KIAA1328: variants seen among roughly 807,000 people sequenced by gnomAD.
KIAA1328 encodes KIAA1328, also known as protein hinderin.
Under a neutral mutation model 68.1 loss-of-function variants are expected in KIAA1328, and 52 were observed. The observed-to-expected ratio is 0.76, with a 90% confidence interval of 0.61 to 0.96. KIAA1328 has a LOEUF of 0.96. KIAA1328 is among the 40% of genes least tolerant of loss of function. The probability of loss-of-function intolerance (pLI) is 0.00; values close to 1 mark genes in which losing one functional copy is unlikely to be tolerated. For synonymous variants in KIAA1328, 232 were observed against 239.4 expected (o/e 0.97, Z 0.28); for missense variants, 641 against 677.6 (o/e 0.95, Z 0.60).
intron 9 of KIAA1328, among the ~76,000 whole-genome samples, chr18:37,198,493 A>T (rs1418130785): frequency 6.6e-6 from 1 of 152,090 alleles, no homozygotes; most frequent in Non-Finnish European, 1.5e-5. Flanking sequence ...GTTTTATTGG[A>T]GTGGTAGAAG....
intron 6 of KIAA1328, among the ~76,000 whole-genome samples, chr18:36,975,298 T>C (rs1466748119): frequency 6.7e-6 from 1 of 149,716 alleles, no homozygotes; most frequent in African/African-American, 2.5e-5. Flanking sequence ...TTCTCCTGCC[T>C]CAGCCTCCCA....
At chr18:36,979,643 G>C (rs2052605300) in intron 6 of KIAA1328, among the ~76,000 whole-genome samples, 1 of 152,150 alleles carries the variant, frequency 6.6e-6, no homozygotes, top group Non-Finnish European at 1.5e-5. Context: ...CCCAAGTGAG[G>C]ATTCCCACTA....
intron 7 of KIAA1328, among the ~76,000 whole-genome samples, chr18:37,085,476 A>G (rs1173128421): frequency 1.3e-5 from 2 of 152,160 alleles, no homozygotes; most frequent in Admixed American, 6.5e-5. Context: ...GCTCTTAAAA[A>G]GGTATTTTTT....
intron 6 of KIAA1328, among the ~76,000 whole-genome samples, chr18:37,059,936 G>A (rs2056079662): frequency 6.6e-6 from 1 of 151,812 alleles, no homozygotes; most frequent in South Asian, 2.1e-4. Flanking sequence ...AACTAACACA[G>A]GAACAGAAAA....
At chr18:36,936,762 C>A (rs1027259366) in intron 5 of KIAA1328, among the ~76,000 whole-genome samples, 2 of 152,174 alleles carry the variant, frequency 1.3e-5, no homozygotes, top group African/African-American at 2.4e-5. Flanking sequence ...TTCTCCACAG[C>A]CTTGCCAACA....
At chr18:37,107,086 A>G (rs1421855346) in intron 7 of KIAA1328, among the ~76,000 whole-genome samples, 2 of 152,186 alleles carry the variant, frequency 1.3e-5, no homozygotes, top group Non-Finnish European at 2.9e-5. Context: ...TCTACTAAAA[A>G]TACAAAAATA....
chr18:36,956,334 C>T (rs571613757), intron 5 of KIAA1328, among the ~76,000 whole-genome samples: 1 of 152,338 alleles, frequency 6.6e-6, no homozygotes, highest in Admixed American at 6.5e-5. Context: ...AAATTTGTGT[C>T]ATGGTTTGGT....
chr18:37,147,693 C>T (rs2058933185), intron 7 of KIAA1328, among the ~76,000 whole-genome samples: 1 of 152,092 alleles, frequency 6.6e-6, no homozygotes, highest in Non-Finnish European at 1.5e-5. Flanking sequence ...GCCTTCTTCT[C>T]GTATGTGGGC....
At chr18:37,143,385 A>G (rs753682630) in intron 7 of KIAA1328, among the ~76,000 whole-genome samples, 5 of 152,182 alleles carry the variant, frequency 3.3e-5, no homozygotes, top group Admixed American at 6.5e-5. Flanking sequence ...ATATATTGCA[A>G]TTTGTTAAAT....
At chr18:37,091,767 G>A (rs775365470) in intron 7 of KIAA1328, among the ~76,000 whole-genome samples, 3 of 152,140 alleles carry the variant, frequency 2.0e-5, no homozygotes, top group Non-Finnish European at 4.4e-5. Context: ...ACCCAGTAGT[G>A]AAGCCAGATA....
intron 9 of KIAA1328, among the ~76,000 whole-genome samples, chr18:37,211,598 G>A (rs909571341): frequency 6.6e-6 from 1 of 152,172 alleles, no homozygotes; most frequent in African/African-American, 2.4e-5. Context: ...AAGTGTACAG[G>A]ATGAGCATGA....
intron 4 of KIAA1328, among the ~76,000 whole-genome samples, chr18:36,876,417 C>T (rs999869564): frequency 2.0e-5 from 3 of 152,066 alleles, no homozygotes; most frequent in Non-Finnish European, 2.9e-5. Context: ...GTGTATGTGT[C>T]TAGGAATTTA....
At chr18:36,915,173 G>A (rs750475500) in intron 5 of KIAA1328, among the ~76,000 whole-genome samples, 10 of 152,276 alleles carry the variant, frequency 6.6e-5, no homozygotes, top group Non-Finnish European at 1.5e-4. Context: ...TACAGTACTG[G>A]TGAAAGGACA....
rs371909974 is a variant in KIAA1328, at chr18:37,225,165, G to A, written c.*2938G>A. On this transcript the variant is annotated 3_prime_UTR_variant, in exon 10 of 10. Coordinates refer to ENST00000280020, the MANE Select transcript of KIAA1328 (RefSeq NM_020776.3). ...GCCAGAGAATCAGGGGAGAGGAGAG[G>A]CCTGATGGGGCAGAGCTGGACGAAG... 2.0e-6 allele frequency: 2 copies of A among 985,468 alleles called. No homozygotes were observed. Among genetic ancestry groups the A allele is most frequent in the South Asian group, 4.7e-5 (1 of 21,288 alleles). 61.0% of individuals were successfully genotyped at this position (985,468 alleles called of 1,614,324 possible).
At chr18:36,899,062 T>C (rs1242241272) in intron 5 of KIAA1328, among the ~76,000 whole-genome samples, 2 of 152,026 alleles carry the variant, frequency 1.3e-5, no homozygotes, top group African/African-American at 4.8e-5. Context: ...CATCTTGTTC[T>C]GTATCTCAGG....
chr18:36,980,474 G>A (rs2052640060), intron 6 of KIAA1328, among the ~76,000 whole-genome samples: 1 of 152,210 alleles, frequency 6.6e-6, no homozygotes, highest in Admixed American at 6.5e-5. Context: ...CCAGTTTACT[G>A]GTTGAGCAAT....
At chr18:36,980,725 C>T (rs374826511) in intron 6 of KIAA1328, among the ~76,000 whole-genome samples, 3 of 152,088 alleles carry the variant, frequency 2.0e-5, no homozygotes, top group Non-Finnish European at 4.4e-5. Context: ...GGGAGGTACC[C>T]GGTGGGAGAT....
chr18:36,863,675 G>C (rs1008523088), intron 4 of KIAA1328, among the ~76,000 whole-genome samples: 2 of 152,028 alleles, frequency 1.3e-5, no homozygotes, highest in East Asian at 1.9e-4. Context: ...AATTATTTAG[G>C]TCTTTGATTT....
intron 5 of KIAA1328, among the ~76,000 whole-genome samples, chr18:36,941,468 G>A (rs1365305203): frequency 6.6e-6 from 1 of 152,098 alleles, no homozygotes; most frequent in Admixed American, 6.5e-5. Context: ...GGTGGTGGAT[G>A]CCTGCAATCC....
Sources: gnomAD v4.1 joint callset for allele counts (sites outside exome capture counted in the v4.1 genomes callset) on GRCh38, gnomAD v4.1.1 for gene constraint, MANE v1.5 for transcripts, NCBI Gene and HGNC (gene_info 2026-07-23, HGNC 2026-07-21) for gene names.